Variants in ABLIM1 observed in about 807,000 individuals in gnomAD.
ABLIM1 encodes the protein actin-binding LIM protein 1.
A neutral mutation model predicts 107.0 loss-of-function variants in ABLIM1; 40 were observed. The observed-to-expected ratio is 0.37, with a 90% CI of 0.29 to 0.49. The LOEUF (loss-of-function observed/expected upper bound fraction) is 0.49. ABLIM1 is among the 20% of genes least tolerant of loss of function. The probability of loss-of-function intolerance (pLI) is 0.97; values close to 1 mark genes in which losing one functional copy is unlikely to be tolerated. For missense variants in ABLIM1, 857 were observed against 1,008.5 expected (o/e 0.85, Z 2.04); for synonymous variants, 357 against 357.3 (o/e 1.00, Z 0.01).
intron 1 of ABLIM1, among the ~76,000 whole-genome samples, chr10:114,752,797 T>A (rs2082546045): frequency 6.6e-6 from 1 of 152,218 alleles, no homozygotes; most frequent in Admixed American, 6.5e-5. Flanking sequence ...TGCATAGTAT[T>A]CCATGGTGTA....
intron 1 of ABLIM1, among the ~76,000 whole-genome samples, chr10:114,611,237 C>T (rs555396418): frequency 3.7e-4 from 56 of 152,130 alleles, no homozygotes; most frequent in African/African-American, 1.3e-3. Flanking sequence ...GAGGCCAAGG[C>T]GGGTGGATCA....
At chr10:114,703,522 C>T (rs150397915) in intron 1 of ABLIM1, among the ~76,000 whole-genome samples, 43 of 152,278 alleles carry the variant, frequency 2.8e-4, no homozygotes, top group African/African-American at 9.9e-4. Flanking sequence ...GAAATAACTT[C>T]CTCTAAGATC....
chr10:114,756,996 G>A (rs2082643923), intron 1 of ABLIM1, among the ~76,000 whole-genome samples: 1 of 152,178 alleles, frequency 6.6e-6, no homozygotes, highest in Non-Finnish European at 1.5e-5. Context: ...CAAGCACTCA[G>A]TGCCAAATCA....
At chr10:114,787,816 C>A in the ABLIM1 span, among the ~76,000 whole-genome samples, 119 of 147,596 alleles carry the variant, frequency 8.1e-4, 3 homozygotes, top group African/African-American at 2.7e-3. Flanking sequence ...GCCACGACCC[C>A]GTCTGGGAGG....
At chr10:114,495,751 C>G (rs906771520) in intron 6 of ABLIM1, among the ~76,000 whole-genome samples, 2 of 152,072 alleles carry the variant, frequency 1.3e-5, no homozygotes, top group African/African-American at 4.8e-5. Flanking sequence ...CCTAAGAAGG[C>G]AGGAAGTATT....
chr10:114,517,894 G>A (rs1333057954), intron 6 of ABLIM1, among the ~76,000 whole-genome samples: 1 of 151,988 alleles, frequency 6.6e-6, no homozygotes, highest in Non-Finnish European at 1.5e-5. Flanking sequence ...CCGTGGATGT[G>A]CCCACCAGAC....
Position 114,433,054 on chromosome 10 carries a change from T to G in ABLIM1, c.*3206A>C, listed in dbSNP as rs2059017983. ...ATTTTCCTATCATCATTGAGGCCCC[T>G]TTTACTTCATGCCATCATTATGCAC... On this transcript the variant is annotated 3_prime_UTR_variant, in exon 23 of 23. Coordinates refer to ENST00000533213, the MANE Select transcript of ABLIM1 (RefSeq NM_002313.7). The G allele has an allele frequency of 6.6e-6, 1 of 152,208 alleles. No homozygotes were observed. Among genetic ancestry groups the G allele is most frequent in the African/African-American group, 2.4e-5 (1 of 41,450 alleles). The allele number at this position is 152,208 out of a possible 1,614,324, so 9.4% of individuals were successfully genotyped here.
At chr10:114,610,808 G>A (rs2076756032) in intron 1 of ABLIM1, 1 of 152,230 alleles carries the variant, frequency 6.6e-6, no homozygotes. Context: ...CCCGGGGGAT[G>A]GGCAGTACAA....
At chr10:114,527,034 GA>G in intron 6 of ABLIM1, 1 of 932,842 alleles carries the variant, frequency 1.1e-6, no homozygotes, top group Non-Finnish European at 1.3e-6. Context: ...ATGCAGGTAG[GA>G]AAGTACCATT....
At chr10:114,440,441 C>G (rs1170808238) in intron 19 of ABLIM1, among the ~76,000 whole-genome samples, 2 of 151,400 alleles carry the variant, frequency 1.3e-5, no homozygotes, top group Non-Finnish European at 2.9e-5. Context: ...ATTGTTGTAC[C>G]TCCAGTTACT....
the ABLIM1 span, among the ~76,000 whole-genome samples, chr10:114,793,533 GCTTTATGCTGCA>G: frequency 6.6e-6 from 1 of 152,182 alleles, no homozygotes; most frequent in African/African-American, 2.4e-5. Flanking sequence ...AAGCAGTGCA[GCTTTATGCTGCA>G]CTTTATGCTG....
chr10:114,632,085 G>A lies in ABLIM1; in HGVS notation c.244+25872C>T, dbSNP rs567200379. Reference sequence around the variant, plus strand: ...GTGGTCTCGAGTCCCGCCCCGCCTCGGCGGGCCCCGCTCCCATGCCCGCCC... The same window carrying A: ...GTGGTCTCGAGTCCCGCCCCGCCTCAGCGGGCCCCGCTCCCATGCCCGCCC... On this transcript the variant is annotated intron_variant, in intron 1 of 22. Coordinates refer to ENST00000533213, the MANE Select transcript of ABLIM1 (RefSeq NM_002313.7). The A allele has an allele frequency of 5.0e-5, 49 of 985,120 alleles. No homozygotes were observed. In the African/African-American group the frequency reaches 5.1e-4, roughly 10 times the overall value. 61.0% of individuals were successfully genotyped at this position (985,120 alleles called of 1,614,324 possible). A position where few individuals can be genotyped will look rare whatever the true frequency, so the allele number is the denominator to read the frequency against.
At chr10:114,573,981 T>C (rs1410420368) in intron 3 of ABLIM1, among the ~76,000 whole-genome samples, 1 of 152,180 alleles carries the variant, frequency 6.6e-6, no homozygotes, top group Non-Finnish European at 1.5e-5. Context: ...TAAATTATGA[T>C]TTAAAAAAAT....
chr10:114,636,752 G>T (rs575926788), intron 1 of ABLIM1, among the ~76,000 whole-genome samples: 32 of 152,294 alleles, frequency 2.1e-4, no homozygotes, highest in East Asian at 1.2e-3. Flanking sequence ...GGTTTGCAAG[G>T]CTCGGCGCAG....
At chr10:114,563,810 T>C (rs1591241284) in intron 4 of ABLIM1, among the ~76,000 whole-genome samples, 1 of 139,288 alleles carries the variant, frequency 7.2e-6, no homozygotes, top group African/African-American at 2.7e-5. Flanking sequence ...TGCACCACTG[T>C]ACTCCAGCCT....
At chr10:114,476,585 A>C (rs935545136) in intron 8 of ABLIM1, among the ~76,000 whole-genome samples, 1 of 151,746 alleles carries the variant, frequency 6.6e-6, no homozygotes, top group Non-Finnish European at 1.5e-5. Flanking sequence ...CGGAGGGTGC[A>C]GTGAACCGAG....
chr10:114,634,123 A>ATTTTTTTTTTTTTTT (rs1209219359), intron 1 of ABLIM1, among the ~76,000 whole-genome samples: 6 of 68,208 alleles, frequency 8.8e-5, no homozygotes, highest in Non-Finnish European at 1.2e-4. Flanking sequence ...CATTAGCTCA[A>ATTTTTTTTTTTTTTT]TTTTTCTTTT....
At chr10:114,786,230 T>C in the ABLIM1 span, among the ~76,000 whole-genome samples, 1 of 152,164 alleles carries the variant, frequency 6.6e-6, no homozygotes, top group African/African-American at 2.4e-5. Flanking sequence ...TAACAGAGTA[T>C]GGTCTGAAAC....
At chr10:114,571,232 G>T in intron 4 of ABLIM1, 65 bp downstream of exon 4, 1 of 1,394,350 alleles carries the variant, frequency 7.2e-7, no homozygotes, top group Non-Finnish European at 1.0e-6. Flanking sequence ...AAAAAGGAAG[G>T]CACCTGCCTG....
Sources: allele counts gnomAD v4.1 joint callset (sites outside exome capture counted in the v4.1 genomes callset), GRCh38; gene constraint gnomAD v4.1.1; transcripts MANE v1.5; gene names NCBI Gene and HGNC (gene_info 2026-07-23, HGNC 2026-07-21).